RANBP2: variants seen among roughly 807,000 people sequenced by gnomAD.
RANBP2 encodes RAN binding protein 2.
In RANBP2, 57 loss-of-function variants were observed where a neutral mutation model predicts 303.6. That is an observed-to-expected ratio of 0.19 (90% CI 0.15 to 0.23). The LOEUF (loss-of-function observed/expected upper bound fraction) is 0.23. Ranked by LOEUF, RANBP2 falls within the 10% of genes least tolerant of loss-of-function variation. The pLI, the probability that RANBP2 is intolerant of heterozygous loss-of-function variation, is 1.00. For missense variants in RANBP2, 3,138 were observed against 3,780.8 expected (o/e 0.83, Z 4.46); for synonymous variants, 1,167 against 1,301.5 (o/e 0.90, Z 2.23).
chr2:109,323,879 CAG>C, the RANBP2 span, among the ~76,000 whole-genome samples: 4 of 152,194 alleles, frequency 2.6e-5, no homozygotes, highest in Admixed American at 6.5e-5. Flanking sequence ...AGTATAGTGA[CAG>C]AGCTGTGCAA....
In RANBP2 at chr2:108,783,686, G is replaced by A. The variant is rs144494199; in HGVS notation, c.9460G>A (p.Gly3154Ser). The change falls in exon 29 of 29, where the codon GGT (glycine) becomes AGT (serine). Residue 3154 changes from glycine (G) to serine (S), a missense_variant. Coordinates refer to ENST00000283195, the MANE Select transcript of RANBP2 (RefSeq NM_006267.5). ...TGAAAATTTTGATGTGAAACATACTGGTCCTGGTTTACTATCCATGGCCAA... is the reference window on the plus strand; with the variant it reads ...TGAAAATTTTGATGTGAAACATACTAGTCCTGGTTTACTATCCATGGCCAA... ...EDENFDVKHT[G>S]PGLLSMANQG... 1 of 1,609,740 alleles carries A rather than the reference G, an allele frequency of 6.2e-7. No homozygotes were observed. Among genetic ancestry groups the A allele is most frequent in the South Asian group, 1.1e-5 (1 of 90,988 alleles).
chr2:109,326,079 AT>A, the RANBP2 span, among the ~76,000 whole-genome samples: 2 of 152,222 alleles, frequency 1.3e-5, no homozygotes, highest in South Asian at 2.1e-4. Flanking sequence ...CGTATGCCAC[AT>A]TTTCTCCACC....
chr2:109,127,322 T>A, the RANBP2 span: 1 of 152,168 alleles, frequency 6.6e-6, no homozygotes, highest in Non-Finnish European at 1.5e-5. Context: ...AAGAGAGACG[T>A]ATCCTTTCAT....
At chr2:108,869,420 A>G in the RANBP2 span, among the ~76,000 whole-genome samples, 1 of 152,164 alleles carries the variant, frequency 6.6e-6, no homozygotes, top group African/African-American at 2.4e-5. Context: ...TTGCCTATCA[A>G]TGGGTTGCCC....
chr2:109,601,766 A>T, the RANBP2 span, among the ~76,000 whole-genome samples: 16 of 112,536 alleles, frequency 1.4e-4, no homozygotes, highest in South Asian at 2.8e-4. Flanking sequence ...CCCTGAAGTT[A>T]AAAAAAAAAA....
the RANBP2 span, among the ~76,000 whole-genome samples, chr2:109,297,855 C>G: frequency 8.5e-5 from 13 of 152,096 alleles, no homozygotes; most frequent in African/African-American, 3.1e-4. Flanking sequence ...TGGGCCAGTT[C>G]GCCCCACCCA....
chr2:109,474,847 A>G, the RANBP2 span, among the ~76,000 whole-genome samples: 1 of 152,234 alleles, frequency 6.6e-6, no homozygotes, highest in Non-Finnish European at 1.5e-5. Flanking sequence ...GCCAAAGTCT[A>G]CACTCACTCA....
At chr2:109,143,357 G>A in the RANBP2 span, among the ~76,000 whole-genome samples, 1 of 152,160 alleles carries the variant, frequency 6.6e-6, no homozygotes, top group Admixed American at 6.5e-5. Flanking sequence ...GAACCTCAAA[G>A]CGAGATGTGC....
chr2:108,742,869 AGCTCCACCTCCTGGG>A (rs1696222146), intron 7 of RANBP2, among the ~76,000 whole-genome samples: 1 of 151,982 alleles, frequency 6.6e-6, no homozygotes, highest in African/African-American at 2.4e-5. Context: ...GCTCACTGCA[AGCTCCACCTCCTGGG>A]TTCACGCCAT....
At chr2:109,068,361 C>G in the RANBP2 span, among the ~76,000 whole-genome samples, 6 of 152,176 alleles carry the variant, frequency 3.9e-5, no homozygotes, top group Non-Finnish European at 5.9e-5. Context: ...GAAGAACCCC[C>G]ACCCCAGATG....
chr2:109,600,915 C>T, the RANBP2 span, among the ~76,000 whole-genome samples: 1 of 152,170 alleles, frequency 6.6e-6, no homozygotes, highest in Non-Finnish European at 1.5e-5. Context: ...TTAAAAGATA[C>T]AAATAAACAG....
At chr2:108,832,402 C>CA in the RANBP2 span, among the ~76,000 whole-genome samples, 10 of 143,678 alleles carry the variant, frequency 7.0e-5, no homozygotes, top group African/African-American at 2.6e-4. Context: ...GGCTGGAGTG[C>CA]AATGGTGTGA....
chr2:109,349,168 A>AT, the RANBP2 span, among the ~76,000 whole-genome samples: 42 of 152,116 alleles, frequency 2.8e-4, no homozygotes, highest in African/African-American at 9.9e-4. Flanking sequence ...GCAGAGCTCG[A>AT]GGTGGCACTC....
the RANBP2 span, among the ~76,000 whole-genome samples, chr2:109,059,306 T>G: frequency 6.6e-6 from 1 of 152,138 alleles, no homozygotes; most frequent in South Asian, 2.1e-4. Context: ...CTGGGCAAGG[T>G]GGCTCACGCC....
At chr2:109,531,513 C>A in the RANBP2 span, among the ~76,000 whole-genome samples, 1 of 152,222 alleles carries the variant, frequency 6.6e-6, no homozygotes. Flanking sequence ...TTTCATCTGT[C>A]TCTTGGATAT....
chr2:109,525,711 C>T, the RANBP2 span, among the ~76,000 whole-genome samples: 8 of 152,168 alleles, frequency 5.3e-5, no homozygotes, highest in South Asian at 2.1e-4. Flanking sequence ...AGAGAGGAGG[C>T]TCTCAGTGGC....
At chr2:109,229,642 C>G in the RANBP2 span, among the ~76,000 whole-genome samples, 2 of 152,142 alleles carry the variant, frequency 1.3e-5, no homozygotes, top group Admixed American at 6.5e-5. Context: ...CCTCCAGGGT[C>G]AGGAAGGCCC....
the RANBP2 span, among the ~76,000 whole-genome samples, chr2:109,182,227 T>C: frequency 6.6e-6 from 1 of 152,202 alleles, no homozygotes; most frequent in African/African-American, 2.4e-5. Context: ...TCCAAGAGCA[T>C]GGCGCTGGCA....
At chr2:109,460,441 T>C in the RANBP2 span, among the ~76,000 whole-genome samples, 3 of 152,298 alleles carry the variant, frequency 2.0e-5, no homozygotes, top group African/African-American at 4.8e-5. Flanking sequence ...CGTAGCCAGG[T>C]TGGCCATGGT....
Sources: allele counts gnomAD v4.1 joint callset (sites outside exome capture counted in the v4.1 genomes callset), GRCh38; gene constraint gnomAD v4.1.1; transcripts MANE v1.5; gene names NCBI Gene and HGNC (gene_info 2026-07-23, HGNC 2026-07-21).